The following CACNA1C variants were observed in gnomAD, a reference collection of about 807,000 sequenced individuals.
CACNA1C encodes the protein calcium voltage-gated channel subunit alpha1 C, also known as voltage-dependent L-type calcium channel subunit alpha-1C.
CACNA1C carries 30 observed loss-of-function variants against 229.0 expected under a neutral mutation model. That is an observed-to-expected ratio of 0.13 (90% confidence interval 0.10 to 0.18). The LOEUF is 0.18. Among genes scored for constraint, CACNA1C ranks in the 10% least tolerant of loss-of-function variants. The probability of loss-of-function intolerance (pLI) is 1.00; values close to 1 mark genes in which losing one functional copy is unlikely to be tolerated. For missense variants in CACNA1C, 1,658 were observed against 2,845.0 expected, an observed-to-expected ratio of 0.58 and a Z score of 9.49; for synonymous variants, 1,114 against 1,132.5, an observed-to-expected ratio of 0.98 and a Z score of 0.33.
intron 3 of CACNA1C, among the ~76,000 whole-genome samples, chr12:2,284,103 C>T (rs566421157): frequency 1.3e-4 from 20 of 152,278 alleles, no homozygotes; most frequent in African/African-American, 3.9e-4. Flanking sequence ...AACAGGAACC[C>T]GCCATCCCCC....
intron 30 of CACNA1C, among the ~76,000 whole-genome samples, chr12:2,643,433 C>A (rs2093970030): frequency 6.6e-6 from 1 of 152,236 alleles, no homozygotes; most frequent in South Asian, 2.1e-4. Flanking sequence ...TTCAACTACG[C>A]ATACCTCATT....
At chr12:2,434,861 A>G (rs1388636926) in intron 3 of CACNA1C, among the ~76,000 whole-genome samples, 1 of 152,184 alleles carries the variant, frequency 6.6e-6, no homozygotes, top group Admixed American at 6.5e-5. Context: ...TTCCTGGACC[A>G]CGGCAGAGGT....
chr12:2,437,810 A>ATGG (rs1339403700), intron 3 of CACNA1C, among the ~76,000 whole-genome samples: 4 of 124,598 alleles, frequency 3.2e-5, no homozygotes, highest in African/African-American at 1.3e-4. Context: ...GATGGTGATG[A>ATGG]TGGTGGTGGT....
chr12:2,631,891 C>T (rs573034807), intron 29 of CACNA1C, among the ~76,000 whole-genome samples: 1 of 152,188 alleles, frequency 6.6e-6, no homozygotes, highest in Non-Finnish European at 1.5e-5. Flanking sequence ...GCATGTCTTT[C>T]GGTCCCTCTG....
At chr12:2,138,930 G>A (rs2093848153) in intron 3 of CACNA1C, among the ~76,000 whole-genome samples, 1 of 150,238 alleles carries the variant, frequency 6.7e-6, no homozygotes, top group Admixed American at 6.7e-5. Flanking sequence ...ACTGGCTTTG[G>A]TGCTGCCCTC....
intron 3 of CACNA1C, among the ~76,000 whole-genome samples, chr12:2,353,056 C>T (rs939803700): frequency 9.2e-5 from 14 of 152,166 alleles, no homozygotes; most frequent in Non-Finnish European, 1.8e-4. Flanking sequence ...GAGCGCTCCA[C>T]GTGCAAGGCA....
intron 3 of CACNA1C, among the ~76,000 whole-genome samples, chr12:2,171,343 C>T (rs1181844476): frequency 6.6e-6 from 1 of 152,040 alleles, no homozygotes; most frequent in East Asian, 1.9e-4. Flanking sequence ...AGATAGGAGG[C>T]TGGAGAAGGG....
At chr12:1,974,469 C>G (rs1001335708) in intron 1 of CACNA1C, among the ~76,000 whole-genome samples, 2 of 152,188 alleles carry the variant, frequency 1.3e-5, no homozygotes, top group African/African-American at 4.8e-5. Context: ...TATGTAGACA[C>G]TAATGTACTC....
chr12:2,522,225 C>T (rs1489298029), intron 9 of CACNA1C, among the ~76,000 whole-genome samples: 1 of 152,164 alleles, frequency 6.6e-6, no homozygotes, highest in Non-Finnish European at 1.5e-5. Context: ...TGGGGGTGGC[C>T]CAGCCGTCTT....
intron 5 of CACNA1C, among the ~76,000 whole-genome samples, chr12:2,481,158 A>G (rs2099674332): frequency 6.6e-6 from 1 of 152,164 alleles, no homozygotes; most frequent in Non-Finnish European, 1.5e-5. Context: ...AGAACACTTC[A>G]TCCCAAAAGT....
intron 27 of CACNA1C, among the ~76,000 whole-genome samples, chr12:2,609,490 G>T (rs1006189636): frequency 2.0e-5 from 3 of 151,362 alleles, no homozygotes; most frequent in Non-Finnish European, 2.9e-5. Context: ...GCTGGCTGCT[G>T]TGTGGACCCT....
intron 5 of CACNA1C, among the ~76,000 whole-genome samples, chr12:2,466,840 G>A (rs886709033): frequency 2.0e-5 from 3 of 151,936 alleles, no homozygotes; most frequent in African/African-American, 4.8e-5. Flanking sequence ...CATCCCCACC[G>A]CACCAGGCTG....
At chr12:2,008,913 T>A (rs1257359546) in intron 1 of CACNA1C, among the ~76,000 whole-genome samples, 1 of 152,254 alleles carries the variant, frequency 6.6e-6, no homozygotes, top group Non-Finnish European at 1.5e-5. Context: ...GCCAGCCTTC[T>A]GCCTTCTTTC....
chr12:2,530,259 A>G (rs1159727512), intron 9 of CACNA1C, among the ~76,000 whole-genome samples: 1 of 152,238 alleles, frequency 6.6e-6, no homozygotes, highest in African/African-American at 2.4e-5. Flanking sequence ...GCCAGGAAAC[A>G]TTACTCCTAA....
chr12:2,035,138 G>A (rs891550708), intron 1 of CACNA1C, among the ~76,000 whole-genome samples: 2 of 152,146 alleles, frequency 1.3e-5, no homozygotes, highest in Non-Finnish European at 2.9e-5. Flanking sequence ...CCCCTGCGCC[G>A]GCGCGTGTGC....
chr12:2,393,107 G>A (rs1008242446), intron 3 of CACNA1C, among the ~76,000 whole-genome samples: 11 of 152,152 alleles, frequency 7.2e-5, no homozygotes, highest in African/African-American at 2.7e-4. Flanking sequence ...CCTTGAAAGT[G>A]CACTGTCCTG....
Position 2,677,612 on chromosome 12 carries a change from G to A in CACNA1C, c.4957-121G>A, listed in dbSNP as rs530144847. The A allele has an allele frequency of 2.2e-5, 25 of 1,148,860 alleles. No individual in the cohort carries two copies. The South Asian group carries it at 2.8e-4, about 13-fold the overall frequency. 71.2% of individuals were successfully genotyped at this position (1,148,860 alleles called of 1,614,324 possible). A position where few individuals can be genotyped will look rare whatever the true frequency, so the allele number is the denominator to read the frequency against. On this transcript the variant is annotated intron_variant, in intron 40 of 46. Coordinates refer to ENST00000399655, the MANE Select transcript of CACNA1C (RefSeq NM_000719.7). The surrounding 1 kb of genome is among the most constrained non-coding windows in gnomAD (Gnocchi z 7.4). ...ACACACACAAACCTTCCGGAGGGTC[G>A]ACTGGCTGGGTGGAGGATGCCAGGG...
Position 2,280,109 on chromosome 12 carries a change from T to TGTTGATGCC in CACNA1C, c.477+159680_477+159688dup, listed in dbSNP as rs570835577. On this transcript the variant is annotated intron_variant, in intron 3 of 46. Transcript: ENST00000399655. The stretch of plus-strand genomic sequence containing the variant: ...TAATTGGCATATTCAACCAATTTGC[T>TGTTGATGCC]GTTGATGCCTTGCTGTGCTTCGGTT... 4.7e-4 allele frequency among the ~76,000 whole-genome samples: 71 copies of TGTTGATGCC among 152,366 alleles called. No homozygotes were observed. In the South Asian group the frequency reaches 0.015, roughly 32 times the overall value.
intron 3 of CACNA1C, among the ~76,000 whole-genome samples, chr12:2,266,390 A>G (rs2082411108): frequency 6.6e-6 from 1 of 152,230 alleles, no homozygotes; most frequent in African/African-American, 2.4e-5. Context: ...GGCCTTGGGC[A>G]TGCTGCAACC....
Sources: gnomAD v4.1 joint callset for allele counts (sites outside exome capture counted in the v4.1 genomes callset) on GRCh38, gnomAD v4.1.1 for gene constraint, Gnocchi (gnomAD v3.1) non-coding constraint, MANE v1.5 for transcripts, NCBI Gene and HGNC (gene_info 2026-07-23, HGNC 2026-07-21) for gene names.